The following LRRC4C variants were observed in gnomAD, a reference collection of about 807,000 sequenced individuals.
LRRC4C encodes leucine rich repeat containing 4C.
Under a neutral mutation model 33.6 loss-of-function variants are expected in LRRC4C, and 5 were observed. That is an observed-to-expected ratio of 0.15 (90% CI 0.08 to 0.31). The LOEUF is 0.31. Among genes scored for constraint, LRRC4C ranks in the 10% least tolerant of loss-of-function variants. The probability of loss-of-function intolerance (pLI) is 1.00; values close to 1 mark genes in which losing one functional copy is unlikely to be tolerated. For missense variants in LRRC4C, 560 were observed against 796.7 expected, an observed-to-expected ratio of 0.70 and a Z score of 3.58; for synonymous variants, 329 against 302.0, an observed-to-expected ratio of 1.09 and a Z score of -0.93.
At chr11:40,451,670 C>T (rs570000365) in intron 3 of LRRC4C, among the ~76,000 whole-genome samples, 1 of 152,134 alleles carries the variant, frequency 6.6e-6, no homozygotes, top group East Asian at 1.9e-4. Context: ...CAGGCATAAG[C>T]CACTGCACCC....
intron 5 of LRRC4C, among the ~76,000 whole-genome samples, chr11:40,180,405 C>A (rs965882672): frequency 6.6e-6 from 1 of 152,192 alleles, no homozygotes; most frequent in Non-Finnish European, 1.5e-5. Context: ...TTGCAAAACC[C>A]CTCCTACCCT....
At chr11:40,637,240 TA>T (rs963379494) in intron 3 of LRRC4C, among the ~76,000 whole-genome samples, 16 of 151,696 alleles carry the variant, frequency 1.1e-4, no homozygotes, top group South Asian at 4.2e-4. Context: ...TTAAGCTAAT[TA>T]AAAAAAAATT....
intron 4 of LRRC4C, among the ~76,000 whole-genome samples, chr11:40,266,961 CCA>C (rs1333299751): frequency 1.5e-5 from 2 of 132,030 alleles, no homozygotes; most frequent in African/African-American, 2.8e-5. Flanking sequence ...ACCCACCCAC[CCA>C]CACACACACA....
intron 2 of LRRC4C, among the ~76,000 whole-genome samples, chr11:40,686,399 G>A (rs1944955643): frequency 6.6e-6 from 1 of 152,076 alleles, no homozygotes; most frequent in Non-Finnish European, 1.5e-5. Context: ...GAGTTGTGGT[G>A]CACAACCAAG....
At chr11:40,338,144 T>C (rs1590361425) in intron 3 of LRRC4C, among the ~76,000 whole-genome samples, 1 of 152,346 alleles carries the variant, frequency 6.6e-6, no homozygotes, top group African/African-American at 2.4e-5. Context: ...CTAGTACAAC[T>C]CGACTATATT....
At chr11:41,326,744 G>GT (rs1951131528) in intron 1 of LRRC4C, among the ~76,000 whole-genome samples, 1 of 152,134 alleles carries the variant, frequency 6.6e-6, no homozygotes, top group South Asian at 2.1e-4. Context: ...AAAAGCAGAA[G>GT]TTTCACAAAA....
intron 1 of LRRC4C, among the ~76,000 whole-genome samples, chr11:41,213,341 T>C (rs1946901937): frequency 6.6e-6 from 1 of 152,180 alleles, no homozygotes; most frequent in African/African-American, 2.4e-5. Context: ...TGCGGAGAAA[T>C]GGACATTAAT....
chr11:40,278,269 G>T (rs1943248294), intron 4 of LRRC4C, among the ~76,000 whole-genome samples: 1 of 152,088 alleles, frequency 6.6e-6, no homozygotes, highest in African/African-American at 2.4e-5. Context: ...GTGTCACCTG[G>T]CCCAGATCAC....
chr11:41,041,108 T>C (rs1405752593), intron 1 of LRRC4C, among the ~76,000 whole-genome samples: 1 of 151,524 alleles, frequency 6.6e-6, no homozygotes, highest in Non-Finnish European at 1.5e-5. Flanking sequence ...AGGAGAACCA[T>C]CGTATTTGAA....
chr11:40,130,893 A>C (rs1427125558), intron 6 of LRRC4C, among the ~76,000 whole-genome samples: 1 of 152,110 alleles, frequency 6.6e-6, no homozygotes, highest in East Asian at 1.9e-4. Flanking sequence ...TTTAAATCAA[A>C]ATTGTACCCA....
At chr11:40,548,825 C>T (rs1957026697) in intron 3 of LRRC4C, among the ~76,000 whole-genome samples, 1 of 152,092 alleles carries the variant, frequency 6.6e-6, no homozygotes, top group Non-Finnish European at 1.5e-5. Flanking sequence ...CGTGAGTAGG[C>T]TGCATGAATG....
At chr11:40,783,694 A>G (rs1950305456) in intron 2 of LRRC4C, among the ~76,000 whole-genome samples, 1 of 152,150 alleles carries the variant, frequency 6.6e-6, no homozygotes, top group Non-Finnish European at 1.5e-5. Flanking sequence ...CAGTTTTGGA[A>G]TTTGTGTTAA....
chr11:41,133,483 C>CCCCCCCCCCCCA (rs1943112936), intron 1 of LRRC4C, among the ~76,000 whole-genome samples: 1 of 116,468 alleles, frequency 8.6e-6, no homozygotes, highest in Non-Finnish European at 1.9e-5. Context: ...TAATCCCCCC[C>CCCCCCCCCCCCA]CCGCCCCCGC....
At chr11:40,592,141 C>T (rs1410950646) in intron 3 of LRRC4C, among the ~76,000 whole-genome samples, 2 of 152,158 alleles carry the variant, frequency 1.3e-5, no homozygotes, top group Admixed American at 1.3e-4. Flanking sequence ...AGAAAGCAGC[C>T]CTCCCCTTTT....
intron 3 of LRRC4C, among the ~76,000 whole-genome samples, chr11:40,470,545 T>A (rs1425863712): frequency 6.6e-6 from 1 of 152,160 alleles, no homozygotes; most frequent in Non-Finnish European, 1.5e-5. Context: ...ATTGACGAAT[T>A]GACAGAAGTA....
chr11:40,832,162 C>T (rs2135553386), intron 2 of LRRC4C, among the ~76,000 whole-genome samples: 1 of 152,168 alleles, frequency 6.6e-6, no homozygotes. Context: ...GCAGGTTACT[C>T]TACTGCATAG....
chr11:40,314,781 G>A (rs190615580), intron 4 of LRRC4C, among the ~76,000 whole-genome samples: 16 of 152,202 alleles, frequency 1.1e-4, no homozygotes, highest in African/African-American at 2.9e-4. Context: ...ATTATGTTAA[G>A]TGAAATAAGC....
At chr11:40,184,078 C>T (rs150639788) in intron 5 of LRRC4C, among the ~76,000 whole-genome samples, 1 of 151,930 alleles carries the variant, frequency 6.6e-6, no homozygotes, top group East Asian at 1.9e-4. Flanking sequence ...AAGCTGGTTG[C>T]TTAGCTATGT....
Position 41,389,639 on chromosome 11 carries a change from C to CAAAAAAAAAA in LRRC4C, c.-496+69782_-496+69791dup, listed in dbSNP as rs56194204. On this transcript the variant is annotated intron_variant, in intron 1 of 6. Transcript: ENST00000528697. The stretch of plus-strand genomic sequence containing the variant: ...CCTAATCTAGGATAACAGTGAGCAG[C>CAAAAAAAAAA]AAAAAAAAAAAAAATCACAAAAGAA... Among the ~76,000 whole-genome samples, 176 of 80,920 alleles carry CAAAAAAAAAA rather than the reference C, an allele frequency of 2.2e-3. 8 individuals carry two copies. In the East Asian group the frequency reaches 0.028, roughly 13 times the overall value. 53.1% of individuals were successfully genotyped at this position (80,920 alleles called of 152,430 possible).
Sources: gnomAD v4.1 joint callset for allele counts (sites outside exome capture counted in the v4.1 genomes callset) on GRCh38, gnomAD v4.1.1 for gene constraint, MANE v1.5 for transcripts, NCBI Gene and HGNC (gene_info 2026-07-23, HGNC 2026-07-21) for gene names.